Variants in RBFOX1 observed in about 807,000 individuals in gnomAD.
The protein encoded by RBFOX1 is RNA binding protein fox-1 homolog 1.
A neutral mutation model predicts 57.7 loss-of-function variants in RBFOX1; 8 were observed. The observed-to-expected ratio is 0.14, with a 90% CI of 0.08 to 0.25. The LOEUF is 0.25. Among genes scored for constraint, RBFOX1 ranks in the 10% least tolerant of loss-of-function variants. The probability of loss-of-function intolerance (pLI) is 1.00; values close to 1 mark genes in which losing one functional copy is unlikely to be tolerated. For synonymous variants in RBFOX1, 326 were observed against 222.4 expected (o/e 1.47, Z -4.15); for missense variants, 611 against 548.5 (o/e 1.11, Z -1.14).
At chr16:5,765,716 T>C (rs2053753476) in intron 3 of RBFOX1, among the ~76,000 whole-genome samples, 1 of 152,194 alleles carries the variant, frequency 6.6e-6, no homozygotes, top group South Asian at 2.1e-4. Flanking sequence ...CCTTGTGTTT[T>C]CAAAATCAGC....
intron 4 of RBFOX1, among the ~76,000 whole-genome samples, chr16:7,302,842 G>T (rs2096066329): frequency 6.7e-6 from 1 of 150,342 alleles, no homozygotes; most frequent in Admixed American, 6.6e-5. Flanking sequence ...AAAGACTAAT[G>T]AAATCTACTA....
At chr16:7,152,498 A>G (rs1217803735) in intron 4 of RBFOX1, among the ~76,000 whole-genome samples, 1 of 152,202 alleles carries the variant, frequency 6.6e-6, no homozygotes, top group Non-Finnish European at 1.5e-5. Flanking sequence ...GATCTTTAAA[A>G]ATTGTGGCCT....
At chr16:6,902,538 A>T (rs985798375) in intron 3 of RBFOX1, among the ~76,000 whole-genome samples, 1 of 152,170 alleles carries the variant, frequency 6.6e-6, no homozygotes, top group Non-Finnish European at 1.5e-5. Context: ...CCTAACCAAC[A>T]TGGTAATGCC....
intron 1 of RBFOX1, among the ~76,000 whole-genome samples, chr16:6,073,231 A>T (rs955793874): frequency 6.6e-6 from 1 of 152,154 alleles, no homozygotes; most frequent in East Asian, 1.9e-4. Flanking sequence ...GAGATGAACT[A>T]CTCACAGCAT....
At chr16:7,131,887 G>A (rs1331385619) in intron 4 of RBFOX1, among the ~76,000 whole-genome samples, 1 of 152,032 alleles carries the variant, frequency 6.6e-6, no homozygotes, top group Non-Finnish European at 1.5e-5. Flanking sequence ...AGCTTCTAGG[G>A]GGTGAGAGGC....
chr16:5,513,222 T>G (rs1404780698), intron 2 of RBFOX1, among the ~76,000 whole-genome samples: 10 of 152,172 alleles, frequency 6.6e-5, no homozygotes. Flanking sequence ...ACTTTCCTTG[T>G]TTTTAATGAC....
chr16:6,729,483 A>G (rs898940966), intron 3 of RBFOX1, among the ~76,000 whole-genome samples: 6 of 152,158 alleles, frequency 3.9e-5, no homozygotes, highest in African/African-American at 1.4e-4. Flanking sequence ...GCAATCCATT[A>G]AAATGTTTTA....
chr16:7,635,460 T>C (rs955401493), intron 11 of RBFOX1, among the ~76,000 whole-genome samples: 6 of 152,174 alleles, frequency 3.9e-5, no homozygotes, highest in Non-Finnish European at 8.8e-5. Flanking sequence ...GTGGGAATAA[T>C]ATCCCCACTT....
intron 3 of RBFOX1, among the ~76,000 whole-genome samples, chr16:6,999,216 A>ATTTTATTTTTTTTT: frequency 9.2e-6 from 1 of 109,038 alleles, no homozygotes; most frequent in Non-Finnish European, 1.9e-5. Context: ...ATTTTTATTT[A>ATTTTATTTTTTTTT]TTTTTTTTAT....
intron 4 of RBFOX1, among the ~76,000 whole-genome samples, chr16:7,261,837 C>A (rs2094930687): frequency 1.3e-5 from 2 of 152,162 alleles, no homozygotes; most frequent in Admixed American, 1.3e-4. Flanking sequence ...AGACCCTCTC[C>A]CCAAAGTCTT....
chr16:6,900,720 G>A (rs992820065), intron 3 of RBFOX1, among the ~76,000 whole-genome samples: 1 of 152,098 alleles, frequency 6.6e-6, no homozygotes, highest in Non-Finnish European at 1.5e-5. Context: ...TCTCCATGAT[G>A]CCGTTCCTAT....
At chr16:6,194,530 T>A (rs1222295459) in intron 1 of RBFOX1, among the ~76,000 whole-genome samples, 1 of 152,080 alleles carries the variant, frequency 6.6e-6, no homozygotes, top group Middle Eastern at 3.2e-3. Flanking sequence ...TGTACTCATT[T>A]CTCTGTCTTT....
rs547003481 is a variant in RBFOX1 at position 7,131,985 on chromosome 16, C to T, written c.27+79887C>T. 3.8e-4 allele frequency among the ~76,000 whole-genome samples: 52 copies of T among 135,448 alleles called. 1 individual carries two copies. The South Asian group carries it at 0.011, about 29-fold the overall frequency. 88.9% of individuals were successfully genotyped at this position (135,448 alleles called of 152,430 possible). A position where few individuals can be genotyped will look rare whatever the true frequency, so the allele number is the denominator to read the frequency against. On this transcript the variant is annotated intron_variant, in intron 4 of 15. Transcript: ENST00000550418. ...TTTAAAAAACATTGATGACTAGAGT[C>T]CTTTTTTTCTTTCTTTTTTTTTTTT...
chr16:6,305,181 G>T (rs142837239), intron 1 of RBFOX1, among the ~76,000 whole-genome samples: 1 of 152,312 alleles, frequency 6.6e-6, no homozygotes, highest in Admixed American at 6.5e-5. Flanking sequence ...GTCTACTTGG[G>T]ATGGAAGCAT....
At chr16:6,699,461 C>G (rs553297131) in intron 3 of RBFOX1, among the ~76,000 whole-genome samples, 2 of 152,144 alleles carry the variant, frequency 1.3e-5, no homozygotes, top group East Asian at 3.9e-4. Flanking sequence ...AAAAGCCAAG[C>G]CATTTTGACA....
At chr16:7,665,006 T>C in intron 13 of RBFOX1, 38 bp downstream of exon 13, 1 of 1,613,902 alleles carries the variant, frequency 6.2e-7, no homozygotes. Flanking sequence ...CCCCGTTTCC[T>C]CCTGGAGTCA....
intron 4 of RBFOX1, among the ~76,000 whole-genome samples, chr16:7,399,893 T>C (rs4787011): frequency 6.6e-6 from 1 of 152,162 alleles, no homozygotes; most frequent in Non-Finnish European, 1.5e-5. Flanking sequence ...AAACAGTTCA[T>C]TTTAACTTAG....
chr16:6,385,671 A>G (rs1276053677), intron 2 of RBFOX1, among the ~76,000 whole-genome samples: 4 of 152,228 alleles, frequency 2.6e-5, no homozygotes, highest in Admixed American at 2.6e-4. Context: ...GGACACAATA[A>G]CAAACCTACT....
At chr16:5,480,290 G>C (rs1161069399) in intron 2 of RBFOX1, among the ~76,000 whole-genome samples, 2 of 151,966 alleles carry the variant, frequency 1.3e-5, no homozygotes, top group Non-Finnish European at 2.9e-5. Context: ...CTCTCTCCAA[G>C]GTCCCAAAGA....
Sources: gnomAD v4.1 joint callset for allele counts (sites outside exome capture counted in the v4.1 genomes callset) on GRCh38, gnomAD v4.1.1 for gene constraint, MANE v1.5 for transcripts, NCBI Gene and HGNC (gene_info 2026-07-23, HGNC 2026-07-21) for gene names.